The following SPTLC2 variants were observed in gnomAD, a reference collection of about 807,000 sequenced individuals.
SPTLC2 encodes serine palmitoyltransferase long chain base subunit 2.
Under a neutral mutation model 62.0 loss-of-function variants are expected in SPTLC2, and 21 were observed. That is an observed-to-expected ratio of 0.34 (90% CI 0.24 to 0.49). The LOEUF (loss-of-function observed/expected upper bound fraction) is 0.49, where lower values mean the gene tolerates loss of function less well. SPTLC2 is among the 20% of genes least tolerant of loss of function. The probability of loss-of-function intolerance (pLI) is 0.99; values close to 1 mark genes in which losing one functional copy is unlikely to be tolerated. For synonymous variants in SPTLC2, 261 were observed against 261.8 expected (o/e 1.00, Z 0.03); for missense variants, 511 against 713.0 (o/e 0.72, Z 3.23).
intron 11 of SPTLC2, among the ~76,000 whole-genome samples, chr14:77,516,071 G>A (rs1284424044): frequency 6.8e-6 from 1 of 147,736 alleles, no homozygotes; most frequent in Non-Finnish European, 1.5e-5. Flanking sequence ...ATGTCATGAG[G>A]CCCATTATTA....
chr14:77,595,805 C>T (rs974692885), intron 2 of SPTLC2, among the ~76,000 whole-genome samples: 9 of 152,166 alleles, frequency 5.9e-5, no homozygotes, highest in African/African-American at 1.9e-4. Flanking sequence ...TTTCCTCGGA[C>T]GCACAGGAAC....
rs1026516566 is a variant in SPTLC2 at position 77,598,467 on chromosome 14, G to C, written c.133-1087C>G. On this transcript the variant is annotated intron_variant, in intron 1 of 11. Transcript: ENST00000216484. ...TTCAAAAGTAAATTCAGCTTTATTA[G>C]AATGTAAAATATTTGTAAATGTTTT... Among the ~76,000 whole-genome samples, 3 of 152,280 alleles carry C rather than the reference G, an allele frequency of 2.0e-5. No homozygotes were observed. In the East Asian group the frequency reaches 5.8e-4, roughly 29 times the overall value.
intron 2 of SPTLC2, among the ~76,000 whole-genome samples, chr14:77,596,336 T>A (rs1474876646): frequency 1.6e-5 from 2 of 124,080 alleles, no homozygotes; most frequent in African/African-American, 3.2e-5. Flanking sequence ...AAGACTTGTC[T>A]CAAAAAAAAA....
chr14:77,577,220 T>C (rs1179385248), intron 3 of SPTLC2, among the ~76,000 whole-genome samples: 1 of 140,258 alleles, frequency 7.1e-6, no homozygotes, highest in African/African-American at 2.5e-5. Flanking sequence ...ACTTATCCAT[T>C]AAAAGATATA....
At chr14:77,521,813 G>A (rs776504716) in intron 9 of SPTLC2, among the ~76,000 whole-genome samples, 8 of 152,056 alleles carry the variant, frequency 5.3e-5, no homozygotes, top group Non-Finnish European at 7.4e-5. Flanking sequence ...TGTAAAAAAC[G>A]TTTAATGGAG....
intron 9 of SPTLC2, among the ~76,000 whole-genome samples, chr14:77,532,588 T>C (rs939371308): frequency 4.0e-5 from 6 of 151,588 alleles, no homozygotes; most frequent in African/African-American, 1.5e-4. Flanking sequence ...ATGGAGACCA[T>C]CCTGGCTAAC....
At chr14:77,564,846 C>T (rs945025570) in intron 5 of SPTLC2, among the ~76,000 whole-genome samples, 3 of 151,654 alleles carry the variant, frequency 2.0e-5, no homozygotes, top group African/African-American at 4.8e-5. Flanking sequence ...AAACCCACAA[C>T]GACAGAAATA....
At chr14:77,581,998 G>A (rs12147112) in intron 2 of SPTLC2, among the ~76,000 whole-genome samples, 67,028 of 151,336 alleles carry the variant, frequency 0.44, 15,485 homozygotes, top group Non-Finnish European at 0.51. Context: ...CAGTACTAAC[G>A]CTTCTAATGA....
chr14:77,513,973 G>A (rs535965153), intron 11 of SPTLC2, among the ~76,000 whole-genome samples: 1 of 151,570 alleles, frequency 6.6e-6, no homozygotes, highest in Non-Finnish European at 1.5e-5. Flanking sequence ...GGCCAAGGCA[G>A]GCGGACTGCT....
intron 9 of SPTLC2, among the ~76,000 whole-genome samples, chr14:77,522,208 G>C (rs1287663373): frequency 1.3e-5 from 2 of 151,506 alleles, no homozygotes; most frequent in Non-Finnish European, 2.9e-5. Context: ...CTGTCGCCCA[G>C]GCTGGAGTGC....
chr14:77,583,964 C>G (rs1373636544), intron 2 of SPTLC2, among the ~76,000 whole-genome samples: 2 of 152,154 alleles, frequency 1.3e-5, no homozygotes, highest in Non-Finnish European at 2.9e-5. Flanking sequence ...AGAGGGAAAA[C>G]AATACCTACT....
Position 77,512,021 on chromosome 14 carries a change from A to G in SPTLC2, c.*263T>C. 2.1e-6 allele frequency: 1 copy of G among 476,956 alleles called. No individual in the cohort carries two copies. The highest frequency in any genetic ancestry group is 2.1e-5 in the South Asian group (1 of 47,862). The allele number at this position is 476,956 out of a possible 1,614,324, so 29.5% of individuals were successfully genotyped here. A position where few individuals can be genotyped will look rare whatever the true frequency, so the allele number is the denominator to read the frequency against. On this transcript the variant is annotated 3_prime_UTR_variant, in exon 12 of 12. Transcript: ENST00000216484. ...GTGATTTCACAAGTAGAATGGTTGC[A>G]AAATAAAATGTTTTTTTAATGGACT...
At chr14:77,543,175 G>A (rs2079510622) in intron 9 of SPTLC2, among the ~76,000 whole-genome samples, 3 of 152,146 alleles carry the variant, frequency 2.0e-5, no homozygotes, top group Admixed American at 2.0e-4. Flanking sequence ...TCAGCCGCCT[G>A]AGTAGCTGGG....
In SPTLC2 at chr14:77,507,913, G is replaced by C. The variant is rs1594962673; in HGVS notation, c.*4371C>G. On this transcript the variant is annotated 3_prime_UTR_variant, in exon 12 of 12. Coordinates refer to ENST00000216484, the MANE Select transcript of SPTLC2 (RefSeq NM_004863.4). Reference sequence around the variant, plus strand: ...TAAAAAACATTTTTTTCTTAGATGGGGTCTTGCTGTGTTGCCCAGGCTACG... The same window carrying C: ...TAAAAAACATTTTTTTCTTAGATGGCGTCTTGCTGTGTTGCCCAGGCTACG... 6.6e-6 allele frequency: 1 copy of C among 152,252 alleles called. No individual in the cohort carries two copies. The highest frequency in any genetic ancestry group is 1.9e-4 in the East Asian group (1 of 5,180). 9.4% of individuals were successfully genotyped at this position (152,252 alleles called of 1,614,324 possible).
rs1020862388 is a variant in SPTLC2 at position 77,547,057 on chromosome 14, G to T, written c.1303+5039C>A. 1.5e-4 allele frequency among the ~76,000 whole-genome samples: 23 copies of T among 152,086 alleles called. No individual in the cohort carries two copies. The Middle Eastern group carries it at 0.01, about 67-fold the overall frequency. Reference sequence around the variant, plus strand: ...TTTTCATATTTTTATTAGAGACAGGGTTTCTCCATGTTGGTCAGACTGGTC... The same window carrying T: ...TTTTCATATTTTTATTAGAGACAGGTTTTCTCCATGTTGGTCAGACTGGTC... On this transcript the variant is annotated intron_variant, in intron 9 of 11. Coordinates refer to ENST00000216484, the MANE Select transcript of SPTLC2 (RefSeq NM_004863.4).
At position 77,579,006 on chromosome 14, in the gene SPTLC2, G is replaced by A. The variant is rs1165770670; in HGVS notation, c.431C>T (p.Ala144Val). ...WNRPICSVPG[A>V]RVDIMERQSH... Reference sequence around the variant, plus strand: ...CTGTCTCTCCATGATGTCCACCCTGGCTCCAGGCACACTACAGATTGGCCG... The same window carrying A: ...CTGTCTCTCCATGATGTCCACCCTGACTCCAGGCACACTACAGATTGGCCG... The change falls in exon 3 of 12, where the codon GCC (alanine) becomes GTC (valine). Residue 144 changes from alanine to valine, a missense_variant. Ala to Val is a moderately conservative substitution (Grantham distance 64). Coordinates refer to ENST00000216484, the MANE Select transcript of SPTLC2 (RefSeq NM_004863.4). The A allele has an allele frequency of 6.2e-7, 1 of 1,613,978 alleles. No individual in the cohort carries two copies. Among genetic ancestry groups the A allele is most frequent in the Middle Eastern group, 1.6e-4 (1 of 6,062 alleles).
At chr14:77,570,276 A>C (rs1403571309) in intron 5 of SPTLC2, 108 bp downstream of exon 5, 8 of 1,433,678 alleles carry the variant, frequency 5.6e-6, no homozygotes, top group Non-Finnish European at 7.6e-6. Context: ...CTTTGGCTAA[A>C]CTATGTTTAG....
chr14:77,519,996 A>T (rs1467739019), intron 10 of SPTLC2, among the ~76,000 whole-genome samples: 1 of 152,004 alleles, frequency 6.6e-6, no homozygotes, highest in African/African-American at 2.4e-5. Context: ...TTTTCTTTAT[A>T]CATGCTGTAT....
At chr14:77,529,620 C>CTTTTTTTTTTTTTTTTTTTTTTTT (rs71452856) in intron 9 of SPTLC2, among the ~76,000 whole-genome samples, 1 of 76,044 alleles carries the variant, frequency 1.3e-5, no homozygotes, top group Non-Finnish European at 2.7e-5. Flanking sequence ...TTCTTTCTTT[C>CTTTTTTTTTTTTTTTTTTTTTTTT]TTTTTTTTTT....
Sources: gnomAD v4.1 joint callset for allele counts (sites outside exome capture counted in the v4.1 genomes callset) on GRCh38, gnomAD v4.1.1 for gene constraint, MANE v1.5 for transcripts, NCBI Gene and HGNC (gene_info 2026-07-23, HGNC 2026-07-21) for gene names.